Variants in MMRN1 observed in about 807,000 individuals in gnomAD.
The protein encoded by MMRN1 is multimerin 1, also known as multimerin-1.
In MMRN1, 94 loss-of-function variants were observed where a neutral mutation model predicts 100.7. The observed-to-expected ratio is 0.93, with a 90% CI of 0.79 to 1.11. MMRN1 has a LOEUF of 1.11. Ranked by LOEUF, MMRN1 falls within the 50% of genes least tolerant of loss-of-function variation. MMRN1 has a pLI of 0.00. For synonymous variants in MMRN1, 575 were observed against 505.0 expected (o/e 1.14, Z -1.86); for missense variants, 1,606 against 1,439.1 (o/e 1.12, Z -1.88).
At chr4:89,897,596 G>A (rs1031593176) in intron 1 of MMRN1, among the ~76,000 whole-genome samples, 6 of 152,118 alleles carry the variant, frequency 3.9e-5, no homozygotes, top group African/African-American at 1.4e-4. Context: ...ATACCATATA[G>A]AAAGTGGCAT....
intron 1 of MMRN1, among the ~76,000 whole-genome samples, chr4:89,883,013 A>G: frequency 6.6e-6 from 1 of 152,180 alleles, no homozygotes; most frequent in East Asian, 1.9e-4. Flanking sequence ...TAACTATAAC[A>G]TAAGCATTAT....
intron 4 of MMRN1, among the ~76,000 whole-genome samples, chr4:89,923,752 T>C (rs957972549): frequency 2.6e-5 from 4 of 152,214 alleles, no homozygotes; most frequent in Non-Finnish European, 4.4e-5. Flanking sequence ...AGTTGGCATG[T>C]CACATATTTT....
intron 6 of MMRN1, among the ~76,000 whole-genome samples, chr4:89,950,440 G>A (rs1271552165): frequency 6.6e-6 from 1 of 152,062 alleles, no homozygotes; most frequent in African/African-American, 2.4e-5. Flanking sequence ...AGCTATAGCA[G>A]TTTACACTCC....
chr4:89,888,430 T>C (rs749336853), intron 1 of MMRN1, among the ~76,000 whole-genome samples: 1 of 151,140 alleles, frequency 6.6e-6, no homozygotes, highest in African/African-American at 2.4e-5. Context: ...TTCCCCTTTA[T>C]GTGATATGGC....
At chr4:89,906,207 G>A (rs1578472638) in intron 1 of MMRN1, among the ~76,000 whole-genome samples, 1 of 151,390 alleles carries the variant, frequency 6.6e-6, no homozygotes, top group Non-Finnish European at 1.5e-5. Flanking sequence ...ATAGTAAACT[G>A]TTTATTTATG....
intron 6 of MMRN1, among the ~76,000 whole-genome samples, chr4:89,940,156 T>G (rs776378192): frequency 4.6e-5 from 7 of 152,190 alleles, no homozygotes; most frequent in Non-Finnish European, 1.0e-4. Flanking sequence ...GATTTGTTTG[T>G]ACAGCAATTG....
Position 89,936,090 on chromosome 4 carries a change from A to G in MMRN1, c.2410A>G (p.Lys804Glu). 1.2e-6 allele frequency: 2 copies of G among 1,612,382 alleles called. No individual in the cohort carries two copies. The highest frequency in any genetic ancestry group is 1.7e-6 in the Non-Finnish European group (2 of 1,179,442). Reference protein sequence around the residue: ...QRYNFVLQVAKTLAGIPRDEK... With the variant: ...QRYNFVLQVAETLAGIPRDEK... ...ATATAACTTTGTTTTGCAAGTCGCC[A>G]AGACCCTTGCAGGTATTCCCAGAGA... is the stretch of plus-strand genomic sequence containing the variant. The change falls in exon 6 of 8, where the codon AAG (lysine) becomes GAG (glutamate). Residue 804 changes from lysine to glutamate, a missense_variant. Lys to Glu is a moderately conservative substitution (Grantham distance 56). Transcript: ENST00000264790.
intron 5 of MMRN1, among the ~76,000 whole-genome samples, chr4:89,931,259 C>G (rs1722422844): frequency 6.6e-6 from 1 of 152,076 alleles, no homozygotes; most frequent in African/African-American, 2.4e-5. Flanking sequence ...ACAAAATTGT[C>G]AATATCAAGA....
rs41279299 is a variant in MMRN1, at chr4:89,936,369, C to A, written c.2689C>A (p.Gln897Lys). ...TGAGAGAGATCAGGCTCTTCAACTG[C>A]AAGTATTAAATTCCAGATTTAAGGC... Reference protein sequence around the residue: ...TNERDQALQLQVLNSRFKALE... With the variant: ...TNERDQALQLKVLNSRFKALE... Residue 897 changes from glutamine to lysine, a missense_variant, in exon 6 of 8, where the codon CAA becomes AAA. Coordinates refer to ENST00000264790, the MANE Select transcript of MMRN1 (RefSeq NM_007351.3). 7,088 of 1,609,878 alleles carry A rather than the reference C, an allele frequency of 4.4e-3. 29 individuals carry two copies. Among genetic ancestry groups the A allele is most frequent in the Admixed American group, 6.1e-3 (362 of 59,232 alleles).
At chr4:89,938,354 A>C (rs559871846) in intron 6 of MMRN1, among the ~76,000 whole-genome samples, 213 of 150,814 alleles carry the variant, frequency 1.4e-3, no homozygotes, top group African/African-American at 5.0e-3. Flanking sequence ...TGGGAGATAT[A>C]AGGAGTTGTT....
chr4:89,916,255 G>A (rs114631474), intron 3 of MMRN1, among the ~76,000 whole-genome samples: 1,975 of 151,532 alleles, frequency 0.013, 25 homozygotes, highest in Middle Eastern at 0.061. Context: ...TCCATCCAAT[G>A]AATTCCGGAG....
In MMRN1 at chr4:89,936,627, A is replaced by G; in HGVS notation, c.2947A>G (p.Thr983Ala). 2 of 1,613,126 alleles carry G rather than the reference A, an allele frequency of 1.2e-6. No individual in the cohort carries two copies. The highest frequency in any genetic ancestry group is 2.2e-5 in the East Asian group (1 of 44,832). Residue 983 changes from threonine (T) to alanine (A), a missense_variant, in exon 6 of 8, where the codon ACT (threonine) becomes GCT (alanine). Transcript: ENST00000264790. ...IKTQAALSNLTCCIDRSLPGS... is the reference protein window; with the variant it reads ...IKTQAALSNLACCIDRSLPGS... ...AACTCAAGCTGCCCTATCTAATTTA[A>G]CTTGTTGTATAGATCGATCGTTGCC...
intron 4 of MMRN1, among the ~76,000 whole-genome samples, chr4:89,927,394 C>CT (rs796782403): frequency 2.0e-5 from 3 of 151,824 alleles, no homozygotes; most frequent in Non-Finnish European, 4.4e-5. Context: ...AATGAGATTA[C>CT]TTTTTTTTCT....
chr4:89,935,506 A>C lies in MMRN1; in HGVS notation c.1826A>C (p.Asp609Ala). Residue 609 changes from aspartate to alanine, a missense_variant, in exon 6 of 8, where the codon GAC becomes GCC. Physicochemically the swap from Asp to Ala is moderately radical, Grantham distance 126. Coordinates refer to ENST00000264790, the MANE Select transcript of MMRN1 (RefSeq NM_007351.3). The stretch of plus-strand genomic sequence containing the variant: ...AATGATTTTAAATTTCAACTTAAGG[A>C]CACAGAAGAGAATTTACATGTGTTA... ...CRNDFKFQLK[D>A]TEENLHVLNQ... is the part of the protein sequence containing the mutation. The C allele has an allele frequency of 6.2e-7, 1 of 1,613,468 alleles. No individual in the cohort carries two copies. Among genetic ancestry groups the C allele is most frequent in the Non-Finnish European group, 8.5e-7 (1 of 1,179,720 alleles).
At chr4:89,937,006 G>T (rs757071954) in intron 6 of MMRN1, among the ~76,000 whole-genome samples, 11 of 151,994 alleles carry the variant, frequency 7.2e-5, no homozygotes, top group Non-Finnish European at 1.0e-4. Flanking sequence ...TATTTCTAGT[G>T]TATATTTGGC....
intron 5 of MMRN1, among the ~76,000 whole-genome samples, chr4:89,928,702 C>T (rs903163514): frequency 1.3e-5 from 2 of 152,272 alleles, no homozygotes; most frequent in Non-Finnish European, 2.9e-5. Context: ...CTTGACTCAT[C>T]ATCCTCCATC....
At chr4:89,905,648 G>T (rs1456502895) in intron 1 of MMRN1, among the ~76,000 whole-genome samples, 1 of 151,412 alleles carries the variant, frequency 6.6e-6, no homozygotes, top group Non-Finnish European at 1.5e-5. Context: ...TGTCTGTCTT[G>T]TCCTATTTTG....
At chr4:89,940,353 A>G (rs1298316005) in intron 6 of MMRN1, among the ~76,000 whole-genome samples, 1 of 152,084 alleles carries the variant, frequency 6.6e-6, no homozygotes. Context: ...AACCTCTCTT[A>G]TTAATAATTA....
chr4:89,935,226 G>T lies in MMRN1; in HGVS notation c.1546G>T (p.Val516Leu), dbSNP rs141872900. Residue 516 changes from valine to leucine, a missense_variant, in exon 6 of 8, where the codon GTA becomes TTA. Val to Leu is a conservative substitution (Grantham distance 32, BLOSUM62 1). Transcript: ENST00000264790. ...LNKTLSKLKE[V>L]HEQLLSTEQV... ...TAAAACTCTTTCTAAATTGAAGGAA[G>T]TACATGAGCAGCTTTTATCAACTGA... The T allele has an allele frequency of 6.5e-3, 10,565 of 1,613,580 alleles. 54 individuals carry two copies. The highest frequency in any genetic ancestry group is 8.2e-3 in the Non-Finnish European group (9,648 of 1,179,758).
Sources: gnomAD v4.1 joint callset for allele counts (sites outside exome capture counted in the v4.1 genomes callset) on GRCh38, gnomAD v4.1.1 for gene constraint, MANE v1.5 for transcripts, NCBI Gene and HGNC (gene_info 2026-07-23, HGNC 2026-07-21) for gene names.